Variants in TEAD1 observed in about 807,000 individuals in gnomAD.
TEAD1 encodes transcriptional enhancer factor TEF-1.
A neutral mutation model predicts 54.9 loss-of-function variants in TEAD1; 9 were observed. The ratio of observed to expected loss-of-function variants is 0.16; its 90% CI spans 0.10 to 0.29. The LOEUF is 0.29. Ranked by LOEUF, TEAD1 falls within the 10% of genes least tolerant of loss-of-function variation. The pLI, the probability that TEAD1 is intolerant of heterozygous loss-of-function variation, is 1.00. For synonymous variants in TEAD1, 200 were observed against 187.8 expected, an observed-to-expected ratio of 1.07 and a Z score of -0.53; for missense variants, 387 against 535.9, an observed-to-expected ratio of 0.72 and a Z score of 2.74.
In TEAD1 at chr11:12,787,206, C is replaced by A. The variant is rs573305893; in HGVS notation, c.202+22772C>A. On this transcript the variant is annotated intron_variant, in intron 3 of 12. Coordinates refer to ENST00000527636, the MANE Select transcript of TEAD1 (RefSeq NM_021961.6). ...CAGGGGTGGGCCATGGGATTTGAGA[C>A]CTGCATGCCATTTGGAATAAAAGGG... 1.1e-4 allele frequency among the ~76,000 whole-genome samples: 16 copies of A among 152,296 alleles called. No individual in the cohort carries two copies. The South Asian group carries it at 3.3e-3, about 32-fold the overall frequency.
rs375676439 is a variant in TEAD1 at position 12,870,565 on chromosome 11, C to T, written c.330+5665C>T. Among the ~76,000 whole-genome samples the T allele has an allele frequency of 5.9e-5, 9 of 152,256 alleles. No individual in the cohort carries two copies. In the East Asian group the frequency reaches 7.7e-4, roughly 13 times the overall value. ...AGTTGTGGGGATTTTCTCCCCCGCC[C>T]CCCCCGGGGTTGGGGCATTTTCAAA... is the stretch of plus-strand genomic sequence containing the variant. On this transcript the variant is annotated intron_variant, in intron 5 of 12. Coordinates refer to ENST00000527636, the MANE Select transcript of TEAD1 (RefSeq NM_021961.6).
chr11:12,898,133 CTCTT>C (rs1363070214), intron 9 of TEAD1, among the ~76,000 whole-genome samples: 1 of 152,092 alleles, frequency 6.6e-6, no homozygotes, highest in African/African-American at 2.4e-5. Flanking sequence ...GACACAAGGT[CTCTT>C]CCTTCCTTCC....
In TEAD1 at chr11:12,944,430, TATATGAAA is replaced by T; in HGVS notation, c.*7211_*7218del. On this transcript the variant is annotated 3_prime_UTR_variant, in exon 13 of 13. Transcript: ENST00000527636. ...GTGAATTTATCTTTAGTATGATAGT[TATATGAAA>T]ATTATAGGATTTGTGTGCAGAGAAT... The T allele has an allele frequency of 6.6e-6, 1 of 152,454 alleles. No individual in the cohort carries two copies. Among genetic ancestry groups the T allele is most frequent in the South Asian group, 2.1e-4 (1 of 4,826 alleles). 9.4% of individuals were successfully genotyped at this position (152,454 alleles called of 1,614,324 possible).
At chr11:12,734,275 T>G (rs1254620624) in intron 2 of TEAD1, among the ~76,000 whole-genome samples, 1 of 152,188 alleles carries the variant, frequency 6.6e-6, no homozygotes, top group Non-Finnish European at 1.5e-5. Flanking sequence ...GTAGAAAGCT[T>G]ATAGAAAAAG....
intron 2 of TEAD1, among the ~76,000 whole-genome samples, chr11:12,741,908 G>T (rs1944658462): frequency 6.6e-6 from 1 of 152,166 alleles, no homozygotes; most frequent in South Asian, 2.1e-4. Flanking sequence ...CTTTTCAGCA[G>T]AAAAATCATG....
chr11:12,769,667 C>T (rs1478859378), intron 3 of TEAD1, among the ~76,000 whole-genome samples: 1 of 152,086 alleles, frequency 6.6e-6, no homozygotes, highest in East Asian at 1.9e-4. Context: ...GCAAAGTGTT[C>T]TTCTCGGAGC....
At chr11:12,721,381 AC>A (rs1179715402) in intron 2 of TEAD1, among the ~76,000 whole-genome samples, 1 of 152,206 alleles carries the variant, frequency 6.6e-6, no homozygotes, top group Non-Finnish European at 1.5e-5. Context: ...GTATGAGGGC[AC>A]AGTATCTCCA....
At chr11:12,885,597 T>G (rs1372261544) in intron 9 of TEAD1, among the ~76,000 whole-genome samples, 1 of 152,196 alleles carries the variant, frequency 6.6e-6, no homozygotes, top group Non-Finnish European at 1.5e-5. Flanking sequence ...TGCATATGAC[T>G]GTTTTTTAGG....
At chr11:12,732,566 A>G (rs1944445954) in intron 2 of TEAD1, among the ~76,000 whole-genome samples, 2 of 152,174 alleles carry the variant, frequency 1.3e-5, no homozygotes, top group Non-Finnish European at 2.9e-5. Context: ...GACCATGGGT[A>G]ATGGATGTAG....
chr11:12,711,519 G>A (rs1334805312), intron 2 of TEAD1, among the ~76,000 whole-genome samples: 1 of 152,086 alleles, frequency 6.6e-6, no homozygotes, highest in East Asian at 1.9e-4. Flanking sequence ...TTCCCCAGGG[G>A]TCCCTGGCTG....
intron 9 of TEAD1, among the ~76,000 whole-genome samples, chr11:12,899,225 G>C (rs1184627159): frequency 6.6e-6 from 1 of 152,192 alleles, no homozygotes; most frequent in Admixed American, 6.5e-5. Flanking sequence ...CTGGAACTGG[G>C]GCGGTCTGAG....
chr11:12,789,747 C>G (rs901263123), intron 3 of TEAD1, among the ~76,000 whole-genome samples: 1 of 152,190 alleles, frequency 6.6e-6, no homozygotes, highest in African/African-American at 2.4e-5. Flanking sequence ...ATGTGGAAGC[C>G]CGAGCTCAGT....
intron 2 of TEAD1, among the ~76,000 whole-genome samples, chr11:12,695,898 A>G (rs966909284): frequency 6.6e-6 from 1 of 152,198 alleles, no homozygotes; most frequent in African/African-American, 2.4e-5. Flanking sequence ...AGACCTTGCC[A>G]TATTTTAGCC....
chr11:12,857,770 C>T (rs1043071230), intron 3 of TEAD1, among the ~76,000 whole-genome samples: 1 of 152,022 alleles, frequency 6.6e-6, no homozygotes, highest in African/African-American at 2.4e-5. Context: ...GAGCTCACCC[C>T]TTTGGAGGGC....
chr11:12,727,188 C>T (rs1462627040), intron 2 of TEAD1, among the ~76,000 whole-genome samples: 4 of 152,076 alleles, frequency 2.6e-5, no homozygotes, highest in Non-Finnish European at 5.9e-5. Context: ...TGCAGTGAGC[C>T]GAGATGGCAC....
At chr11:12,903,115 T>C (rs959594147) in intron 10 of TEAD1, among the ~76,000 whole-genome samples, 6 of 152,172 alleles carry the variant, frequency 3.9e-5, no homozygotes, top group Non-Finnish European at 7.3e-5. Context: ...CTGTGCTGAA[T>C]GCTTTACGTG....
At chr11:12,734,882 C>T (rs567578791) in intron 2 of TEAD1, among the ~76,000 whole-genome samples, 3 of 152,262 alleles carry the variant, frequency 2.0e-5, no homozygotes, top group South Asian at 2.1e-4. Flanking sequence ...ACATAAACAC[C>T]TGTGCATTCA....
chr11:12,795,109 A>G (rs531521763), intron 3 of TEAD1, among the ~76,000 whole-genome samples: 2 of 152,292 alleles, frequency 1.3e-5, no homozygotes, highest in African/African-American at 4.8e-5. Flanking sequence ...TGGCAGGGCC[A>G]TGTTTTCTCA....
At chr11:12,899,402 T>G (rs73409251) in intron 9 of TEAD1, among the ~76,000 whole-genome samples, 7,212 of 152,244 alleles carry the variant, frequency 0.047, 228 homozygotes, top group East Asian at 0.13. Context: ...TGTTATTCTT[T>G]TTTACTTTTG....
Sources: allele counts gnomAD v4.1 joint callset (sites outside exome capture counted in the v4.1 genomes callset), GRCh38; gene constraint gnomAD v4.1.1; transcripts MANE v1.5; gene names NCBI Gene and HGNC (gene_info 2026-07-23, HGNC 2026-07-21).